The following VGLL4 variants were observed in gnomAD, a reference collection of about 807,000 sequenced individuals.
The protein encoded by VGLL4 is vestigial like family member 4.
VGLL4 carries 7 observed loss-of-function variants against 21.0 expected under a neutral mutation model. That is an observed-to-expected ratio of 0.33 (90% CI 0.19 to 0.63). VGLL4 has a LOEUF of 0.63. VGLL4 is among the 20% of genes least tolerant of loss of function. The pLI, the probability that VGLL4 is intolerant of heterozygous loss-of-function variation, is 0.78. For missense variants in VGLL4, 394 were observed against 425.7 expected (o/e 0.93, Z 0.66); for synonymous variants, 222 against 173.2 (o/e 1.28, Z -2.21).
At chr3:11,573,581 G>A (rs2073941949) in intron 2 of VGLL4, among the ~76,000 whole-genome samples, 1 of 152,200 alleles carries the variant, frequency 6.6e-6, no homozygotes, top group African/African-American at 2.4e-5. Context: ...GACCACTGCT[G>A]CTGCTGTGTA....
At chr3:11,705,215 T>A (rs964405461) in intron 1 of VGLL4, among the ~76,000 whole-genome samples, 1 of 152,112 alleles carries the variant, frequency 6.6e-6, no homozygotes, top group Non-Finnish European at 1.5e-5. Flanking sequence ...CCGCACCACG[T>A]GGAACGGAGT....
chr3:11,689,709 C>T (rs1559946179), intron 2 of VGLL4, among the ~76,000 whole-genome samples: 1 of 152,210 alleles, frequency 6.6e-6, no homozygotes, highest in Non-Finnish European at 1.5e-5. Flanking sequence ...CAAGGGAAAC[C>T]ACTGCATGCT....
At chr3:11,665,430 C>CT (rs1460584315) in intron 2 of VGLL4, among the ~76,000 whole-genome samples, 2 of 152,126 alleles carry the variant, frequency 1.3e-5, no homozygotes, top group African/African-American at 2.4e-5. Flanking sequence ...TTAATCCACT[C>CT]TAAAAAGTCC....
rs76662957 is a variant in VGLL4, at chr3:11,598,077, G to C, written c.272+3756C>G. On this transcript the variant is annotated intron_variant, in intron 2 of 4. Coordinates refer to ENST00000430365, the MANE Select transcript of VGLL4 (RefSeq NM_001128219.3). ...ATCTCGCTCTGTTGCCCAGGCTAGT[G>C]CAACGGCATGATCTCGGCTCACTGC... 7.9e-3 allele frequency among the ~76,000 whole-genome samples: 1,202 copies of C among 151,914 alleles called. 10 individuals are homozygous for C. Among genetic ancestry groups the C allele is most frequent in the African/African-American group, 0.027 (1,128 of 41,392 alleles).
intron 2 of VGLL4, among the ~76,000 whole-genome samples, chr3:11,599,887 C>G (rs1279310848): frequency 6.6e-6 from 1 of 151,922 alleles, no homozygotes; most frequent in Non-Finnish European, 1.5e-5. Context: ...AAGCTGAGTA[C>G]TTACTATCTG....
chr3:11,578,618 T>TA (rs1385978645), intron 2 of VGLL4, among the ~76,000 whole-genome samples: 9 of 150,474 alleles, frequency 6.0e-5, no homozygotes, highest in Admixed American at 6.6e-5. Flanking sequence ...AAAGTAATAA[T>TA]AATAAATAAA....
chr3:11,679,225 ATGCAGTTAC>A (rs1342843790), intron 2 of VGLL4, among the ~76,000 whole-genome samples: 1 of 152,216 alleles, frequency 6.6e-6, no homozygotes, highest in East Asian at 1.9e-4. Flanking sequence ...TAACAGCTTC[ATGCAGTTAC>A]TGCCCCTGAA....
At chr3:11,590,289 C>G (rs2074456288) in intron 2 of VGLL4, among the ~76,000 whole-genome samples, 1 of 152,180 alleles carries the variant, frequency 6.6e-6, no homozygotes, top group Non-Finnish European at 1.5e-5. Flanking sequence ...AGGGATGCAG[C>G]AAGATTTCAG....
chr3:11,640,992 C>G (rs562401159), intron 1 of VGLL4, among the ~76,000 whole-genome samples: 1 of 152,040 alleles, frequency 6.6e-6, no homozygotes, highest in East Asian at 1.9e-4. Context: ...TGGCAGGCAC[C>G]TGTAATCCCA....
In VGLL4 at chr3:11,568,039, G is replaced by T. The variant is rs2073614933; in HGVS notation, c.273-3020C>A. On this transcript the variant is annotated intron_variant, in intron 2 of 4. Coordinates refer to ENST00000430365, the MANE Select transcript of VGLL4 (RefSeq NM_001128219.3). The surrounding 1 kb of genome is among the most constrained non-coding windows in gnomAD (Gnocchi z 5.9). ...TTCTGTGGAGGTTCCAGAACTGCAGGGTTACAGCCCTGCCTTCTCATGGGC... is the reference window on the plus strand; with the variant it reads ...TTCTGTGGAGGTTCCAGAACTGCAGTGTTACAGCCCTGCCTTCTCATGGGC... Among the ~76,000 whole-genome samples the T allele has an allele frequency of 6.6e-6, 1 of 152,160 alleles. No individual in the cohort carries two copies. Among genetic ancestry groups the T allele is most frequent in the Non-Finnish European group, 1.5e-5 (1 of 68,028 alleles).
chr3:11,629,144 A>C (rs1234050043), intron 1 of VGLL4, among the ~76,000 whole-genome samples: 2 of 152,228 alleles, frequency 1.3e-5, no homozygotes, highest in Non-Finnish European at 2.9e-5. Context: ...ATAAAATTTT[A>C]AACACACTAT....
intron 2 of VGLL4, among the ~76,000 whole-genome samples, chr3:11,682,083 A>G (rs1267461825): frequency 1.3e-5 from 2 of 152,172 alleles, no homozygotes; most frequent in East Asian, 3.9e-4. Flanking sequence ...ACAAGGCGAA[A>G]TGCTGTCTCT....
At chr3:11,589,819 T>G (rs2074443432) in intron 2 of VGLL4, among the ~76,000 whole-genome samples, 1 of 152,156 alleles carries the variant, frequency 6.6e-6, no homozygotes. Flanking sequence ...CGCTGTTTCT[T>G]CTTATAAGGG....
intron 2 of VGLL4, among the ~76,000 whole-genome samples, chr3:11,684,505 C>T (rs2076417597): frequency 2.0e-5 from 3 of 152,080 alleles, no homozygotes; most frequent in African/African-American, 7.2e-5. Context: ...CTCAGCCTCA[C>T]AAGTAGCTAG....
intron 2 of VGLL4, among the ~76,000 whole-genome samples, chr3:11,574,781 A>ATGTGTGTGTGTGTG (rs1288636397): frequency 8.3e-6 from 1 of 120,948 alleles, no homozygotes; most frequent in African/African-American, 3.3e-5. Flanking sequence ...CAATTCAACT[A>ATGTGTGTGTGTGTG]TATATGTGTG....
At position 11,719,551 on chromosome 3, in the gene VGLL4, C is replaced by A. The variant is rs1322186353; in HGVS notation, c.-14+843G>T. 6.6e-6 allele frequency: 1 copy of A among 151,050 alleles called. No individual in the cohort carries two copies. The highest frequency in any genetic ancestry group is 6.6e-5 in the Admixed American group (1 of 15,196). 9.4% of individuals were successfully genotyped at this position (151,050 alleles called of 1,614,324 possible). A position where few individuals can be genotyped will look rare whatever the true frequency, so the allele number is the denominator to read the frequency against. ...GCACAGGCGGGCTCGCGCCCGAGCC[C>A]CCGCACGGGCCCCCGCCAAACACGC... On this transcript the variant is annotated intron_variant, in intron 1 of 5. Transcript: ENST00000273038. The surrounding 1 kb of genome is among the most constrained non-coding windows in gnomAD (Gnocchi z 4.0).
At chr3:11,710,978 T>A (rs551111777) in intron 1 of VGLL4, among the ~76,000 whole-genome samples, 22 of 152,080 alleles carry the variant, frequency 1.4e-4, no homozygotes. Context: ...TGAGCACCTG[T>A]AATCCCAGCT....
chr3:11,704,542 T>C (rs11712767), intron 1 of VGLL4, among the ~76,000 whole-genome samples: 8,442 of 150,964 alleles, frequency 0.056, 273 homozygotes, highest in Middle Eastern at 0.092. Context: ...CGAGGAGCTT[T>C]CAATCTGCAC....
At chr3:11,601,035 G>A (rs1290517408) in intron 2 of VGLL4, among the ~76,000 whole-genome samples, 1 of 152,170 alleles carries the variant, frequency 6.6e-6, no homozygotes, top group African/African-American at 2.4e-5. Context: ...AAACTGGGGA[G>A]AAGCCTCTCC....
Sources: allele counts gnomAD v4.1 joint callset (sites outside exome capture counted in the v4.1 genomes callset), GRCh38; gene constraint gnomAD v4.1.1; non-coding constraint Gnocchi (gnomAD v3.1); transcripts MANE v1.5; gene names NCBI Gene and HGNC (gene_info 2026-07-23, HGNC 2026-07-21).